LDB2: variants seen among roughly 807,000 people sequenced by gnomAD.
LDB2 encodes LIM domain binding 2, also known as LIM domain-binding protein 2.
LDB2 carries 12 observed loss-of-function variants against 44.3 expected under a neutral mutation model. The ratio of observed to expected loss-of-function variants is 0.27; its 90% CI spans 0.17 to 0.44. LDB2 has a LOEUF of 0.44. Ranked by LOEUF, LDB2 falls within the 20% of genes least tolerant of loss-of-function variation. The probability of loss-of-function intolerance (pLI) is 1.00; values close to 1 mark genes in which losing one functional copy is unlikely to be tolerated. For missense variants in LDB2, 344 were observed against 473.5 expected (o/e 0.73, Z 2.54); for synonymous variants, 164 against 174.8 (o/e 0.94, Z 0.49).
At chr4:16,819,070 CTTTCG>C (rs1781457993) in intron 1 of LDB2, among the ~76,000 whole-genome samples, 1 of 147,382 alleles carries the variant, frequency 6.8e-6, no homozygotes, top group Non-Finnish European at 1.5e-5. Flanking sequence ...GCTTGTGAAT[CTTTCG>C]TTTCAGTTGT....
chr4:16,818,217 G>A (rs560348322), intron 1 of LDB2, among the ~76,000 whole-genome samples: 6 of 152,148 alleles, frequency 3.9e-5, no homozygotes, highest in African/African-American at 1.4e-4. Flanking sequence ...CCTTAGCAGG[G>A]TGGTTACACT....
At chr4:16,883,151 T>C (rs879790022) in intron 1 of LDB2, among the ~76,000 whole-genome samples, 8 of 152,206 alleles carry the variant, frequency 5.3e-5, no homozygotes, top group Non-Finnish European at 1.0e-4. Flanking sequence ...ACCAGCAAGA[T>C]CCCTCACCAA....
intron 5 of LDB2, among the ~76,000 whole-genome samples, chr4:16,524,434 C>G (rs1386791791): frequency 6.6e-6 from 1 of 152,080 alleles, no homozygotes; most frequent in Non-Finnish European, 1.5e-5. Context: ...GAGAAGATTC[C>G]TAAGATAGAG....
At chr4:16,882,986 T>C (rs938577951) in intron 1 of LDB2, among the ~76,000 whole-genome samples, 4 of 152,244 alleles carry the variant, frequency 2.6e-5, no homozygotes, top group Admixed American at 6.5e-5. Flanking sequence ...TAGTAGATTC[T>C]GCATTTGCAT....
At chr4:16,774,042 C>G (rs1274428003) in intron 1 of LDB2, among the ~76,000 whole-genome samples, 1 of 149,710 alleles carries the variant, frequency 6.7e-6, no homozygotes, top group African/African-American at 2.5e-5. Flanking sequence ...ATAATCCCAG[C>G]TACTCGGGGG....
chr4:16,624,450 A>G (rs1729745127), intron 2 of LDB2, among the ~76,000 whole-genome samples: 1 of 152,148 alleles, frequency 6.6e-6, no homozygotes. Context: ...AAATATATAA[A>G]ATGTTGGTAA....
chr4:16,749,506 C>T (rs1336397063), intron 2 of LDB2, among the ~76,000 whole-genome samples: 1 of 146,924 alleles, frequency 6.8e-6, no homozygotes, highest in African/African-American at 2.5e-5. Flanking sequence ...TGCAGTGGAG[C>T]CGAGATCACA....
chr4:16,874,025 T>C (rs1054794727), intron 1 of LDB2, among the ~76,000 whole-genome samples: 1 of 152,186 alleles, frequency 6.6e-6, no homozygotes, highest in Non-Finnish European at 1.5e-5. Flanking sequence ...TACTGATATA[T>C]CACATTTTGT....
chr4:16,727,307 C>T (rs1316316291), intron 2 of LDB2, among the ~76,000 whole-genome samples: 8 of 152,184 alleles, frequency 5.3e-5, no homozygotes, highest in African/African-American at 1.9e-4. Flanking sequence ...GAAGAAACAA[C>T]CTCAGCAATT....
At chr4:16,822,970 T>C (rs1353817977) in intron 1 of LDB2, among the ~76,000 whole-genome samples, 1 of 152,138 alleles carries the variant, frequency 6.6e-6, no homozygotes, top group Non-Finnish European at 1.5e-5. Context: ...GCTGATCAAA[T>C]CAGTGAGGGC....
chr4:16,574,655 C>A (rs1222327300), intron 5 of LDB2, among the ~76,000 whole-genome samples: 1 of 152,164 alleles, frequency 6.6e-6, no homozygotes, highest in Non-Finnish European at 1.5e-5. Context: ...ATTAAGGCAA[C>A]TTGATCAATA....
In LDB2 at chr4:16,759,164, G is replaced by T. The variant is rs771669555; in HGVS notation, c.229C>A (p.Arg77=). ...LSFCLEDGPK[R]YTIGRTLIPR... Reference sequence around the variant, plus strand: ...AAATAAACTTCTTTCTTACTGTATCGCTTTGGTCCATCTTCCAAACAAAAT... The same window carrying T: ...AAATAAACTTCTTTCTTACTGTATCTCTTTGGTCCATCTTCCAAACAAAAT... Residue 77 remains arginine (R), a synonymous_variant, in exon 2 of 8, where the codon CGA becomes AGA. Transcript: ENST00000304523. 3.1e-6 allele frequency: 5 copies of T among 1,609,680 alleles called. No individual in the cohort carries two copies. The highest frequency in any genetic ancestry group is 1.7e-5 in the Admixed American group (1 of 60,012).
chr4:16,566,172 G>C (rs1052463669), intron 5 of LDB2, among the ~76,000 whole-genome samples: 3 of 151,900 alleles, frequency 2.0e-5, no homozygotes, highest in Non-Finnish European at 4.4e-5. Flanking sequence ...GTTCAAATTA[G>C]ATAATCTGAT....
intron 1 of LDB2, among the ~76,000 whole-genome samples, chr4:16,773,669 G>C (rs1479668352): frequency 6.6e-6 from 1 of 152,118 alleles, no homozygotes; most frequent in Non-Finnish European, 1.5e-5. Flanking sequence ...CTGATGCACA[G>C]ACCAGTTCCT....
At chr4:16,584,609 G>C (rs11730961) in intron 5 of LDB2, among the ~76,000 whole-genome samples, 1 of 152,152 alleles carries the variant, frequency 6.6e-6, no homozygotes, top group African/African-American at 2.4e-5. Context: ...CACGGTGTTC[G>C]TGTGGTAACC....
intron 2 of LDB2, among the ~76,000 whole-genome samples, chr4:16,625,371 A>T (rs567699761): frequency 1.2e-4 from 19 of 152,272 alleles, no homozygotes; most frequent in African/African-American, 4.6e-4. Context: ...AGCTTCTGCT[A>T]TTCCTTCTCC....
At chr4:16,854,104 T>C (rs1274452406) in intron 1 of LDB2, among the ~76,000 whole-genome samples, 1 of 151,990 alleles carries the variant, frequency 6.6e-6, no homozygotes, top group African/African-American at 2.4e-5. Flanking sequence ...CTGTATGGTA[T>C]AGTTGATTCT....
chr4:16,882,912 A>G (rs375428946), intron 1 of LDB2, among the ~76,000 whole-genome samples: 5 of 152,350 alleles, frequency 3.3e-5, no homozygotes, highest in Non-Finnish European at 7.3e-5. Context: ...GTCTTAGTTC[A>G]GATGAATTTT....
At position 16,749,823 on chromosome 4, in the gene LDB2, C is replaced by G. The variant is rs373433257; in HGVS notation, c.235+9335G>C. On this transcript the variant is annotated intron_variant, in intron 2 of 7. Transcript: ENST00000304523. Reference sequence around the variant, plus strand: ...CATCAACTGTTCAAGTTACAAATATCTATTGAAAGCTTTGTATTTGAAGGA... The same window carrying G: ...CATCAACTGTTCAAGTTACAAATATGTATTGAAAGCTTTGTATTTGAAGGA... Among the ~76,000 whole-genome samples the G allele has an allele frequency of 2.3e-3, 350 of 152,024 alleles. 1 individual carries two copies. The highest frequency in any genetic ancestry group is 8.0e-3 in the African/African-American group (331 of 41,506).
Sources: gnomAD v4.1 joint callset for allele counts (sites outside exome capture counted in the v4.1 genomes callset) on GRCh38, gnomAD v4.1.1 for gene constraint, MANE v1.5 for transcripts, NCBI Gene and HGNC (gene_info 2026-07-23, HGNC 2026-07-21) for gene names.